Variants in TMEM123 observed in about 807,000 individuals in gnomAD.
TMEM123 encodes transmembrane protein 123.
A neutral mutation model predicts 19.7 loss-of-function variants in TMEM123; 16 were observed. That is an observed-to-expected ratio of 0.81 (90% CI 0.55 to 1.23). The LOEUF is 1.23. Among genes scored for constraint, TMEM123 ranks in the 50% most tolerant of loss-of-function variants. TMEM123 has a pLI of 0.00. For missense variants in TMEM123, 313 were observed against 257.8 expected (o/e 1.21, Z -1.47); for synonymous variants, 118 against 99.4 (o/e 1.19, Z -1.12).
Position 102,398,695 on chromosome 11 carries a change from A to G in TMEM123, c.*172T>C. 1.5e-6 allele frequency: 1 copy of G among 664,274 alleles called. No homozygotes were observed. The highest frequency in any genetic ancestry group is 2.5e-6 in the Non-Finnish European group (1 of 406,590). 41.1% of individuals were successfully genotyped at this position (664,274 alleles called of 1,614,324 possible). A position where few individuals can be genotyped will look rare whatever the true frequency, so the allele number is the denominator to read the frequency against. On this transcript the variant is annotated 3_prime_UTR_variant, in exon 5 of 5. Transcript: ENST00000398136. ...TCCAGATGTTTATTTCAAAACCCAA[A>G]CCCTTGTTACCTTGAAGAATCTTTA...
chr11:102,448,669 A>G (rs1857907918), intron 2 of TMEM123, 143 bp downstream of exon 2: 3 of 698,962 alleles, frequency 4.3e-6, no homozygotes, highest in Admixed American at 2.1e-5. Flanking sequence ...ATAGGGCACT[A>G]GGGCAGGTTA....
intron 2 of TMEM123, among the ~76,000 whole-genome samples, chr11:102,420,107 C>T (rs183068360): frequency 1.3e-5 from 2 of 152,256 alleles, no homozygotes; most frequent in Admixed American, 6.5e-5. Flanking sequence ...GACACTCTGT[C>T]TTAGAAACTA....
At chr11:102,429,932 A>C (rs1460179585) in intron 2 of TMEM123, among the ~76,000 whole-genome samples, 1 of 152,184 alleles carries the variant, frequency 6.6e-6, no homozygotes, top group East Asian at 1.9e-4. Flanking sequence ...GCATCTCCAG[A>C]AGCAGCCTGT....
intron 4 of TMEM123, among the ~76,000 whole-genome samples, chr11:102,400,769 C>T (rs1215460589): frequency 6.6e-6 from 1 of 152,206 alleles, no homozygotes; most frequent in Non-Finnish European, 1.5e-5. Context: ...CTTACTAGAA[C>T]TCAACCATGG....
At chr11:102,450,085 T>A (rs568520240) in intron 1 of TMEM123, among the ~76,000 whole-genome samples, 1 of 152,046 alleles carries the variant, frequency 6.6e-6, no homozygotes, top group African/African-American at 2.4e-5. Flanking sequence ...CACCCTCCAA[T>A]CCATCAGCAA....
chr11:102,398,646 C>G lies in TMEM123; in HGVS notation c.*221G>C. The G allele has an allele frequency of 2.0e-6, 1 of 502,632 alleles. No homozygotes were observed. Among genetic ancestry groups the G allele is most frequent in the East Asian group, 3.5e-5 (1 of 28,570 alleles). The allele number at this position is 502,632 out of a possible 1,614,324, so 31.1% of individuals were successfully genotyped here. A position where few individuals can be genotyped will look rare whatever the true frequency, so the allele number is the denominator to read the frequency against. ...TGTCTTACTATGAACTTGCTAAAAC[C>G]ATTGTATGAACGGTCTATAAGGATC... On this transcript the variant is annotated 3_prime_UTR_variant, in exon 5 of 5. Coordinates refer to ENST00000398136, the MANE Select transcript of TMEM123 (RefSeq NM_052932.3).
Position 102,396,851 on chromosome 11 carries a change from G to GCCAC in TMEM123, c.*2015_*2016insGTGG, listed in dbSNP as rs1951860211. The GCCAC allele has an allele frequency of 3.3e-5, 5 of 152,164 alleles. No homozygotes were observed. Among genetic ancestry groups the GCCAC allele is most frequent in the Non-Finnish European group, 5.9e-5 (4 of 68,018 alleles). 9.4% of individuals were successfully genotyped at this position (152,164 alleles called of 1,614,324 possible). ...ATGATGACTTAGTACTTAAAAAGTG[G>GCCAC]TTTTTCTATCTTCAAAGTGCTAAAG... On this transcript the variant is annotated 3_prime_UTR_variant, in exon 5 of 5. Coordinates refer to ENST00000398136, the MANE Select transcript of TMEM123 (RefSeq NM_052932.3).
chr11:102,429,984 T>G (rs2135856998), intron 2 of TMEM123, among the ~76,000 whole-genome samples: 1 of 152,336 alleles, frequency 6.6e-6, no homozygotes, highest in South Asian at 2.1e-4. Context: ...GTGGCAAGCA[T>G]GGCCCTTCGT....
At chr11:102,422,226 C>T (rs1952093042) in intron 2 of TMEM123, among the ~76,000 whole-genome samples, 1 of 152,160 alleles carries the variant, frequency 6.6e-6, no homozygotes, top group Non-Finnish European at 1.5e-5. Flanking sequence ...GTAACCCCAA[C>T]ACAGTGGGAG....
chr11:102,419,236 G>A (rs757375377), intron 2 of TMEM123, among the ~76,000 whole-genome samples: 3 of 152,106 alleles, frequency 2.0e-5, no homozygotes, highest in East Asian at 3.8e-4. Context: ...TAAGGTACAC[G>A]TTGTACTAAA....
At chr11:102,410,753 G>A (rs979398772) in intron 2 of TMEM123, among the ~76,000 whole-genome samples, 1 of 151,954 alleles carries the variant, frequency 6.6e-6, no homozygotes, top group South Asian at 2.1e-4. Flanking sequence ...ATGCTAGGAG[G>A]CTCTGCACAC....
intron 3 of TMEM123, 43 bp from the exon 4 acceptor site, chr11:102,401,735 T>A (rs764015201): frequency 7.8e-6 from 12 of 1,542,544 alleles, no homozygotes; most frequent in Non-Finnish European, 1.0e-5. Context: ...CGTTATTTTT[T>A]TTTTTTTAAC....
chr11:102,413,553 G>A (rs1016376619), intron 2 of TMEM123, among the ~76,000 whole-genome samples: 1 of 152,124 alleles, frequency 6.6e-6, no homozygotes, highest in African/African-American at 2.4e-5. Flanking sequence ...ACTTCGAGGG[G>A]CCAGAAAACA....
Position 102,434,343 on chromosome 11 carries a change from TAATATTCAGC to T in TMEM123, c.157+14459_157+14468del, listed in dbSNP as rs1857741079. Among the ~76,000 whole-genome samples, 3 of 152,074 alleles carry T rather than the reference TAATATTCAGC, an allele frequency of 2.0e-5. No homozygotes were observed. In the South Asian group the frequency reaches 6.2e-4, roughly 32 times the overall value. ...TAATTTGCATTTCCCTAATGATTCT[TAATATTCAGC>T]AATTTCTCATGTAACTATTGGCTAT... On this transcript the variant is annotated intron_variant, in intron 2 of 4. Coordinates refer to ENST00000398136, the MANE Select transcript of TMEM123 (RefSeq NM_052932.3).
At position 102,401,570 on chromosome 11, in the gene TMEM123, AAT is replaced by A; in HGVS notation, c.569_570del (p.Tyr190LeufsTer13). On this transcript the variant is annotated frameshift_variant, in exon 4 of 5. Coordinates refer to ENST00000398136, the MANE Select transcript of TMEM123 (RefSeq NM_052932.3). LOFTEE classifies it high-confidence loss of function. The part of the protein sequence containing the change: ...LSILYIGCKM[Y>X]YSRRGIRYRT... Reference sequence around the variant, plus strand: ...CGATACCGAATGCCTCTTCTTGAGTAATACATTTTGCATCCAATGTAAAGAAT... The same window carrying A: ...CGATACCGAATGCCTCTTCTTGAGTAACATTTTGCATCCAATGTAAAGAAT... The A allele has an allele frequency of 6.3e-7, 1 of 1,594,244 alleles. No individual in the cohort carries two copies. The highest frequency in any genetic ancestry group is 8.5e-7 in the Non-Finnish European group (1 of 1,175,198).
intron 2 of TMEM123, among the ~76,000 whole-genome samples, chr11:102,420,452 G>A (rs933598296): frequency 1.3e-5 from 2 of 152,138 alleles, no homozygotes; most frequent in South Asian, 2.1e-4. Context: ...ATTCTGCACC[G>A]AACGCTGTTC....
At chr11:102,435,551 T>C (rs894736290) in intron 2 of TMEM123, among the ~76,000 whole-genome samples, 1 of 151,932 alleles carries the variant, frequency 6.6e-6, no homozygotes, top group East Asian at 1.9e-4. Flanking sequence ...AAAGTTACCA[T>C]ATGACCTAGC....
At chr11:102,406,198 C>T (rs1951954385) in intron 2 of TMEM123, among the ~76,000 whole-genome samples, 1 of 152,172 alleles carries the variant, frequency 6.6e-6, no homozygotes, top group Non-Finnish European at 1.5e-5. Context: ...CTCCTCCAGC[C>T]TCCGATAAGC....
At chr11:102,427,792 C>T (rs1189508324) in intron 2 of TMEM123, among the ~76,000 whole-genome samples, 3 of 150,216 alleles carry the variant, frequency 2.0e-5, no homozygotes, top group East Asian at 2.0e-4. Context: ...GAGCCGAGAT[C>T]GCGCCACTGC....
Sources: gnomAD v4.1 joint callset for allele counts (sites outside exome capture counted in the v4.1 genomes callset) on GRCh38, gnomAD v4.1.1 for gene constraint, MANE v1.5 for transcripts, NCBI Gene and HGNC (gene_info 2026-07-23, HGNC 2026-07-21) for gene names.